The following MLXIP variants were observed in gnomAD, a reference collection of about 807,000 sequenced individuals.
MLXIP encodes the protein MLX interacting protein.
A neutral mutation model predicts 87.2 loss-of-function variants in MLXIP; 30 were observed. That is an observed-to-expected ratio of 0.34 (90% CI 0.26 to 0.47). The LOEUF (loss-of-function observed/expected upper bound fraction) is 0.47, where lower values mean the gene tolerates loss of function less well. Ranked by LOEUF, MLXIP falls within the 20% of genes least tolerant of loss-of-function variation. The pLI is 1.00. For missense variants in MLXIP, 1,002 were observed against 1,240.1 expected (o/e 0.81, Z 2.88); for synonymous variants, 530 against 514.0 (o/e 1.03, Z -0.42).
chr12:122,133,062 C>G lies in MLXIP; in HGVS notation c.1093-286C>G. The G allele has an allele frequency of 5.4e-6, 2 of 371,998 alleles. No homozygotes were observed. The highest frequency in any genetic ancestry group is 1.7e-4 in the South Asian group (2 of 12,094). The allele number at this position is 371,998 out of a possible 1,614,324, so 23.0% of individuals were successfully genotyped here. A position where few individuals can be genotyped will look rare whatever the true frequency, so the allele number is the denominator to read the frequency against. On this transcript the variant is annotated intron_variant, in intron 8 of 16. Coordinates refer to ENST00000319080, the MANE Select transcript of MLXIP (RefSeq NM_014938.6). This position sits in a 1 kb window ranked among gnomAD's most constrained non-coding sequence, Gnocchi z 4.9. ...AGATGGCAGAGACTTTGGGGAGACT[C>G]TGCTGGACTCCAGAAACAAGATATT...
At chr12:122,140,792 C>T in intron 15 of MLXIP, 162 bp from the exon 16 acceptor site, 1 of 1,094,830 alleles carries the variant, frequency 9.1e-7, no homozygotes, top group Non-Finnish European at 1.4e-6. Context: ...GTGGAAGACA[C>T]ACCTTGCCTA....
At chr12:122,081,256 G>T (rs904335199) in intron 1 of MLXIP, among the ~76,000 whole-genome samples, 1 of 152,016 alleles carries the variant, frequency 6.6e-6, no homozygotes, top group African/African-American at 2.4e-5. Context: ...GCCTAAGGTC[G>T]GCCACCTAAG....
chr12:122,134,165 G>A (rs1436245146), intron 9 of MLXIP, 178 bp downstream of exon 9: 1 of 764,596 alleles, frequency 1.3e-6, no homozygotes, highest in Non-Finnish European at 1.9e-6. Context: ...CCATGATCTA[G>A]TCCGTTTTCT....
intron 1 of MLXIP, among the ~76,000 whole-genome samples, chr12:122,125,684 G>C (rs541445576): frequency 5.3e-5 from 8 of 152,358 alleles, no homozygotes; most frequent in South Asian, 2.1e-4. Context: ...AGAGAAGGAA[G>C]GAAGGAAGGT....
Position 122,138,570 on chromosome 12 carries a change from G to A in MLXIP, c.2384+19G>A. 3 of 1,602,652 alleles carry A rather than the reference G, an allele frequency of 1.9e-6. No homozygotes were observed. The highest frequency in any genetic ancestry group is 2.6e-6 in the Non-Finnish European group (3 of 1,175,416). On this transcript the variant is annotated intron_variant, in intron 14 of 16. Coordinates refer to ENST00000319080, the MANE Select transcript of MLXIP (RefSeq NM_014938.6). The stretch of plus-strand genomic sequence containing the variant: ...CCATCATGTGAGCTTCTGGGCCTTG[G>A]GGCTCCAACCAGGCACCCCATCCCG...
chr12:122,141,807 T>C lies in MLXIP; in HGVS notation c.2755T>C (p.Ser919Pro), dbSNP rs1052106931. The change falls in exon 17 of 17, where the codon TCC becomes CCC. Residue 919 changes from serine to proline, a missense_variant. Transcript: ENST00000319080. ...CAGGATTGGCAAGAGATTGGGAGAG[T>C]CCTAGCTGCTTAGCTGGCATGTGGC... The part of the protein sequence containing the change: ...VTRIGKRLGE[S>P] The C allele has an allele frequency of 1.9e-6, 3 of 1,612,944 alleles. No individual in the cohort carries two copies. In the African/African-American group the frequency reaches 4.0e-5, roughly 22 times the overall value.
rs544367674 is a variant in MLXIP, at chr12:122,103,922, G to C, written c.414-23334G>C. ...ACTTCTGGGCTCATGTGATCCTTCCGCCTTGGTCTCCCAAAGTGCGGAGAT... is the reference window on the plus strand; with the variant it reads ...ACTTCTGGGCTCATGTGATCCTTCCCCCTTGGTCTCCCAAAGTGCGGAGAT... On this transcript the variant is annotated intron_variant, in intron 1 of 16. Transcript: ENST00000319080. Among the ~76,000 whole-genome samples the C allele has an allele frequency of 8.7e-5, 13 of 150,192 alleles. No individual in the cohort carries two copies. The East Asian group carries it at 2.3e-3, about 27-fold the overall frequency.
At chr12:122,132,627 T>C (rs1297684149) in intron 8 of MLXIP, 6 of 501,382 alleles carry the variant, frequency 1.2e-5, no homozygotes, top group Non-Finnish European at 2.1e-5. Context: ...CCAGGTAACC[T>C]ATGTGCAGCT....
At chr12:122,130,962 T>C in intron 7 of MLXIP, 29 bp downstream of exon 7, 3 of 1,474,010 alleles carry the variant, frequency 2.0e-6, no homozygotes, top group Non-Finnish European at 2.9e-6. Flanking sequence ...GAGAGCACGG[T>C]TGCCTCCATC....
In MLXIP at chr12:122,142,529, C is replaced by T. The variant is rs765368038; in HGVS notation, c.*717C>T. The T allele has an allele frequency of 2.0e-5, 7 of 350,632 alleles. No individual in the cohort carries two copies. The highest frequency in any genetic ancestry group is 3.4e-5 in the Non-Finnish European group (6 of 177,248). The allele number at this position is 350,632 out of a possible 1,614,324, so 21.7% of individuals were successfully genotyped here. A position where few individuals can be genotyped will look rare whatever the true frequency, so the allele number is the denominator to read the frequency against. On this transcript the variant is annotated 3_prime_UTR_variant, in exon 17 of 17. Transcript: ENST00000319080. ...CTGCTGGGCATGTTTCATCTGTCCC[C>T]TTTTAGCTCCACCTGACATTGCAGG...
intron 1 of MLXIP, among the ~76,000 whole-genome samples, chr12:122,106,595 C>CTTTTT (rs1162475087): frequency 3.8e-4 from 24 of 62,862 alleles, no homozygotes; most frequent in South Asian, 7.1e-4. Flanking sequence ...ATCGCAGGTT[C>CTTTTT]TTTTTTTTTT....
intron 4 of MLXIP, 91 bp from the exon 5 acceptor site, chr12:122,129,497 A>G: frequency 6.8e-7 from 1 of 1,464,292 alleles, no homozygotes; most frequent in Non-Finnish European, 9.4e-7. Flanking sequence ...CAGGACCCCT[A>G]CCTGCCTCCC....
intron 1 of MLXIP, among the ~76,000 whole-genome samples, chr12:122,085,781 G>A (rs1258903746): frequency 6.6e-6 from 1 of 152,186 alleles, no homozygotes; most frequent in East Asian, 1.9e-4. Flanking sequence ...TTGCTGGATG[G>A]TGTTCGTATC....
At chr12:122,128,989 G>T (rs534962967) in intron 3 of MLXIP, 148 bp from the exon 4 acceptor site, 3 of 657,774 alleles carry the variant, frequency 4.6e-6, no homozygotes, top group Non-Finnish European at 8.3e-6. Flanking sequence ...GAAGTGGGAC[G>T]TACTTTCTGA....
intron 1 of MLXIP, among the ~76,000 whole-genome samples, chr12:122,105,960 T>C (rs1952513274): frequency 6.6e-6 from 1 of 152,202 alleles, no homozygotes; most frequent in Admixed American, 6.5e-5. Context: ...CACTTAAGTG[T>C]GAGATGTTGG....
chr12:122,137,272 T>C lies in MLXIP; in HGVS notation c.2033-197T>C. ...TGTTCTGTGTGGATTAAGGGTGTTTTTGTTGTTGTTATTAATTTAAGATTT... is the reference window on the plus strand; with the variant it reads ...TGTTCTGTGTGGATTAAGGGTGTTTCTGTTGTTGTTATTAATTTAAGATTT... On this transcript the variant is annotated intron_variant, in intron 11 of 16. Transcript: ENST00000319080. This position sits in a 1 kb window ranked among gnomAD's most constrained non-coding sequence, Gnocchi z 4.1. 1.9e-6 allele frequency: 1 copy of C among 522,116 alleles called. No homozygotes were observed. The highest frequency in any genetic ancestry group is 3.4e-5 in the East Asian group (1 of 29,700). 32.3% of individuals were successfully genotyped at this position (522,116 alleles called of 1,614,324 possible). A position where few individuals can be genotyped will look rare whatever the true frequency, so the allele number is the denominator to read the frequency against.
intron 1 of MLXIP, among the ~76,000 whole-genome samples, chr12:122,106,015 A>G (rs1237335193): frequency 2.0e-5 from 3 of 152,150 alleles, no homozygotes; most frequent in African/African-American, 7.2e-5. Flanking sequence ...TTTTTCAAGG[A>G]TTTGCCTGTT....
intron 1 of MLXIP, among the ~76,000 whole-genome samples, chr12:122,096,971 T>C (rs1952361990): frequency 6.6e-6 from 1 of 152,222 alleles, no homozygotes; most frequent in African/African-American, 2.4e-5. Context: ...AAGGAAGAGC[T>C]GACTCAACGC....
chr12:122,144,239 C>T lies in MLXIP; in HGVS notation c.*2427C>T, dbSNP rs1383829532. Reference sequence around the variant, plus strand: ...ACTCATTTTCACCCTGATTCTTGCCCCCACTTTCATAAAAGAAACTTCAAA... The same window carrying T: ...ACTCATTTTCACCCTGATTCTTGCCTCCACTTTCATAAAAGAAACTTCAAA... On this transcript the variant is annotated 3_prime_UTR_variant, in exon 17 of 17. Transcript: ENST00000319080. 6.6e-6 allele frequency: 1 copy of T among 152,418 alleles called. No homozygotes were observed. The highest frequency in any genetic ancestry group is 1.5e-5 in the Non-Finnish European group (1 of 68,016). 9.4% of individuals were successfully genotyped at this position (152,418 alleles called of 1,614,324 possible). A position where few individuals can be genotyped will look rare whatever the true frequency, so the allele number is the denominator to read the frequency against.
Sources: allele counts gnomAD v4.1 joint callset (sites outside exome capture counted in the v4.1 genomes callset), GRCh38; gene constraint gnomAD v4.1.1; non-coding constraint Gnocchi (gnomAD v3.1); transcripts MANE v1.5; gene names NCBI Gene and HGNC (gene_info 2026-07-23, HGNC 2026-07-21).